CPT1A: variants seen among roughly 807,000 people sequenced by gnomAD.
CPT1A encodes the protein carnitine O-palmitoyltransferase 1, liver isoform.
Under a neutral mutation model 100.8 loss-of-function variants are expected in CPT1A, and 64 were observed. That is an observed-to-expected ratio of 0.63 (90% CI 0.52 to 0.78). The LOEUF is 0.78. CPT1A is among the 30% of genes least tolerant of loss of function. CPT1A has a pLI of 0.00. For missense variants in CPT1A, 802 were observed against 1,034.1 expected (o/e 0.78, Z 3.08); for synonymous variants, 363 against 396.0 (o/e 0.92, Z 0.99).
intron 9 of CPT1A, among the ~76,000 whole-genome samples, chr11:68,789,163 T>C (rs1164032072): frequency 6.6e-6 from 1 of 152,218 alleles, no homozygotes; most frequent in Non-Finnish European, 1.5e-5. Context: ...TAAATTTTGG[T>C]AGTAATTCCA....
At position 68,767,940 on chromosome 11, in the gene CPT1A, C is replaced by T. The variant is rs146448950; in HGVS notation, c.1741-5179G>A. On this transcript the variant is annotated intron_variant, in intron 14 of 18. Coordinates refer to ENST00000265641, the MANE Select transcript of CPT1A (RefSeq NM_001876.4). ...TCCTGCCTGCTTTTCCTTTTAAATA[C>T]TGAAGCCCTCAAAACCACCTTTGGA... 6.8e-3 allele frequency among the ~76,000 whole-genome samples: 1,031 copies of T among 152,174 alleles called. 10 individuals carry two copies. The highest frequency in any genetic ancestry group is 0.024 in the African/African-American group (976 of 41,480).
In CPT1A at chr11:68,793,369, A is replaced by G; in HGVS notation, c.913T>C (p.Ser305Pro). ...RLLGSTIPLC[S>P]AQWERMFNTS... ...TTAAACATCCGCTCCCACTGAGCGG[A>G]GCAGAGTGGAATCGTGGATCCCAAA... The change falls in exon 9 of 19, where the codon TCC (serine) becomes CCC (proline). Residue 305 changes from serine (S) to proline (P), a missense_variant. Transcript: ENST00000265641. 1 of 1,612,098 alleles carries G rather than the reference A, an allele frequency of 6.2e-7. No individual in the cohort carries two copies. Among genetic ancestry groups the G allele is most frequent in the Non-Finnish European group, 8.5e-7 (1 of 1,179,204 alleles).
At chr11:68,819,350 G>T (rs1220290015) in intron 1 of CPT1A, among the ~76,000 whole-genome samples, 2 of 152,138 alleles carry the variant, frequency 1.3e-5, no homozygotes, top group Non-Finnish European at 2.9e-5. Context: ...AAAGTGCCGG[G>T]ATTACTGCTA....
chr11:68,805,467 T>C (rs1856016340), intron 4 of CPT1A, among the ~76,000 whole-genome samples: 1 of 151,428 alleles, frequency 6.6e-6, no homozygotes, highest in South Asian at 2.1e-4. Flanking sequence ...AAAAAAAAAT[T>C]TGTTTGGCAA....
rs11372679 is a variant in CPT1A, at chr11:68,831,637, C to CTT, written c.-14+10136_-14+10137dup. Among the ~76,000 whole-genome samples, 115 of 142,896 alleles carry CTT rather than the reference C, an allele frequency of 8.0e-4. 1 individual carries two copies. Among genetic ancestry groups the CTT allele is most frequent in the Middle Eastern group, 3.6e-3 (1 of 274 alleles). The allele number at this position is 142,896 out of a possible 152,430, so 93.7% of individuals were successfully genotyped here. Reference sequence around the variant, plus strand: ...TTAATAATGAAGTTACAGCACATTCCTTTTTTTTTTTTTTGAGACGAAGTT... The same window carrying CTT: ...TTAATAATGAAGTTACAGCACATTCCTTTTTTTTTTTTTTTTGAGACGAAGTT... On this transcript the variant is annotated intron_variant, in intron 1 of 18. Transcript: ENST00000265641.
At chr11:68,769,962 T>A (rs988672263) in intron 14 of CPT1A, among the ~76,000 whole-genome samples, 18 of 151,350 alleles carry the variant, frequency 1.2e-4, no homozygotes, top group Non-Finnish European at 2.6e-4. Context: ...GGCAGGAGAA[T>A]CACTTGAACC....
At chr11:68,778,070 GCCT>G (rs947214851) in intron 12 of CPT1A, among the ~76,000 whole-genome samples, 1 of 151,800 alleles carries the variant, frequency 6.6e-6, no homozygotes, top group African/African-American at 2.4e-5. Context: ...GTGTCTTAAA[GCCT>G]AGAGCACTAT....
At position 68,796,942 on chromosome 11, in the gene CPT1A, C is replaced by T. The variant is rs771162679; in HGVS notation, c.694-9G>A. On this transcript the variant is annotated splice_polypyrimidine_tract_variant and intron_variant, in intron 6 of 18. Transcript: ENST00000265641. ...TCCCACCAGTCGCTCACCTAGTGGG[C>T]GCAAACACCAGACAAACCCGCAGGC... is the stretch of plus-strand genomic sequence containing the variant. 42 of 1,613,488 alleles carry T rather than the reference C, an allele frequency of 2.6e-5. No homozygotes were observed. The highest frequency in any genetic ancestry group is 3.2e-5 in the Non-Finnish European group (38 of 1,179,794).
At chr11:68,802,238 T>C (rs1374356666) in intron 5 of CPT1A, among the ~76,000 whole-genome samples, 1 of 151,554 alleles carries the variant, frequency 6.6e-6, no homozygotes. Flanking sequence ...GCCCCTGAAC[T>C]GTACACTTGA....
At chr11:68,785,898 CAG>C (rs1855450506) in intron 9 of CPT1A, 2 of 607,152 alleles carry the variant, frequency 3.3e-6, no homozygotes, top group Middle Eastern at 2.5e-4. Flanking sequence ...ACTACTAAAA[CAG>C]AGTAATTTAA....
intron 14 of CPT1A, among the ~76,000 whole-genome samples, chr11:68,763,317 C>T (rs990572725): frequency 2.6e-5 from 4 of 152,000 alleles, no homozygotes; most frequent in African/African-American, 9.7e-5. Context: ...CCCCCCCCAC[C>T]CCCGAGTCCA....
intron 1 of CPT1A, among the ~76,000 whole-genome samples, chr11:68,837,340 G>A (rs529933371): frequency 1.1e-4 from 16 of 152,332 alleles, no homozygotes; most frequent in Middle Eastern, 3.4e-3. Flanking sequence ...GAGCCACTGC[G>A]CTTAGCTGAC....
intron 3 of CPT1A, among the ~76,000 whole-genome samples, chr11:68,809,810 T>A (rs141722763): frequency 3.2e-4 from 48 of 152,314 alleles, no homozygotes; most frequent in African/African-American, 1.2e-3. Context: ...AAGACCCAGA[T>A]TATTAAGGGC....
At chr11:68,804,272 C>T (rs1036421819) in intron 4 of CPT1A, among the ~76,000 whole-genome samples, 171 bp from the exon 5 acceptor site, 3 of 152,204 alleles carry the variant, frequency 2.0e-5, no homozygotes, top group Non-Finnish European at 4.4e-5. Context: ...TTTTCCCGTG[C>T]GCACAATGTG....
chr11:68,783,368 G>A (rs1855367372), intron 10 of CPT1A, among the ~76,000 whole-genome samples: 2 of 150,758 alleles, frequency 1.3e-5, no homozygotes, highest in African/African-American at 2.4e-5. Context: ...TCCCCAGCTT[G>A]GCACCGTGGC....
chr11:68,757,462 G>C lies in CPT1A; in HGVS notation c.*182C>G, dbSNP rs1946713443. On this transcript the variant is annotated 3_prime_UTR_variant, in exon 19 of 19. Coordinates refer to ENST00000265641, the MANE Select transcript of CPT1A (RefSeq NM_001876.4). ...GGGAGGGCAAGTCTGGAAGTAGTGG[G>C]GTTATGCTTCACAGGGGAGAGATAC... 2.0e-6 allele frequency: 3 copies of C among 1,470,490 alleles called. No homozygotes were observed. The highest frequency in any genetic ancestry group is 5.0e-5 in the East Asian group (2 of 39,802). The allele number at this position is 1,470,490 out of a possible 1,614,324, so 91.1% of individuals were successfully genotyped here.
At position 68,756,150 on chromosome 11, in the gene CPT1A, C is replaced by T. The variant is rs1440382638; in HGVS notation, c.*1494G>A. ...AAAAAAAAAGGCACGTGTTCTCCGG[C>T]AAGCACCTTCCATCGACTCCAACAG... is the stretch of plus-strand genomic sequence containing the variant. On this transcript the variant is annotated 3_prime_UTR_variant, in exon 19 of 19. Transcript: ENST00000265641. 1 of 147,698 alleles carries T rather than the reference C, an allele frequency of 6.8e-6. No homozygotes were observed. The highest frequency in any genetic ancestry group is 2.0e-4 in the East Asian group (1 of 5,032). The allele number at this position is 147,698 out of a possible 1,614,324, so 9.1% of individuals were successfully genotyped here.
chr11:68,831,545 G>A (rs1856879930), intron 1 of CPT1A, among the ~76,000 whole-genome samples: 1 of 152,134 alleles, frequency 6.6e-6, no homozygotes, highest in South Asian at 2.1e-4. Flanking sequence ...CAACACGTAT[G>A]GAGATACTAA....
chr11:68,787,444 A>AACT (rs949543317), intron 9 of CPT1A, among the ~76,000 whole-genome samples: 1 of 151,912 alleles, frequency 6.6e-6, no homozygotes. Context: ...AAAAAAAAAA[A>AACT]AAAGAATACA....
Sources: allele counts gnomAD v4.1 joint callset (sites outside exome capture counted in the v4.1 genomes callset), GRCh38; gene constraint gnomAD v4.1.1; transcripts MANE v1.5; gene names NCBI Gene and HGNC (gene_info 2026-07-23, HGNC 2026-07-21).